The following SLC44A5 variants were observed in gnomAD, a reference collection of about 807,000 sequenced individuals.
SLC44A5 encodes the protein solute carrier family 44 member 5.
SLC44A5 carries 57 observed loss-of-function variants against 101.8 expected under a neutral mutation model. That is an observed-to-expected ratio of 0.56 (90% CI 0.45 to 0.70). The LOEUF is 0.70. Among genes scored for constraint, SLC44A5 ranks in the 30% least tolerant of loss-of-function variants. The probability of loss-of-function intolerance (pLI) is 0.00; values close to 1 mark genes in which losing one functional copy is unlikely to be tolerated. For missense variants in SLC44A5, 737 were observed against 853.1 expected, an observed-to-expected ratio of 0.86 and a Z score of 1.70; for synonymous variants, 281 against 290.9, an observed-to-expected ratio of 0.97 and a Z score of 0.35.
intron 2 of SLC44A5, chr1:75,402,260 C>A (rs928111592): frequency 5.5e-6 from 1 of 183,480 alleles, no homozygotes; most frequent in African/African-American, 2.3e-5. Flanking sequence ...CCAGTACTGC[C>A]TCTCACTCAC....
the SLC44A5 span, among the ~76,000 whole-genome samples, chr1:75,640,439 C>T: frequency 6.6e-6 from 1 of 151,870 alleles, no homozygotes; most frequent in African/African-American, 2.4e-5. Context: ...ATGGTCAAGC[C>T]CAGAGTAAAT....
intron 23 of SLC44A5, among the ~76,000 whole-genome samples, chr1:75,211,182 C>G (rs1484282342): frequency 1.3e-5 from 2 of 152,178 alleles, no homozygotes; most frequent in African/African-American, 4.8e-5. Flanking sequence ...TTACTGACCC[C>G]TCAATCTCTG....
At chr1:75,210,268 C>T (rs1646827706) in intron 23 of SLC44A5, among the ~76,000 whole-genome samples, 1 of 151,636 alleles carries the variant, frequency 6.6e-6, no homozygotes, top group Non-Finnish European at 1.5e-5. Flanking sequence ...ACTATGTTGC[C>T]CAGGCTGGTC....
At chr1:75,703,258 C>G in the SLC44A5 span, among the ~76,000 whole-genome samples, 5 of 151,792 alleles carry the variant, frequency 3.3e-5, no homozygotes, top group Admixed American at 2.6e-4. Flanking sequence ...TTGGAACCAA[C>G]CCAAATGTCC....
At chr1:75,685,580 T>C in the SLC44A5 span, among the ~76,000 whole-genome samples, 1 of 152,188 alleles carries the variant, frequency 6.6e-6, no homozygotes, top group South Asian at 2.1e-4. Flanking sequence ...TCATGGTCCA[T>C]ATCACTGTCA....
chr1:75,368,799 G>T (rs1330280357), intron 3 of SLC44A5, among the ~76,000 whole-genome samples: 2 of 152,158 alleles, frequency 1.3e-5, no homozygotes, highest in African/African-American at 4.8e-5. Flanking sequence ...AGAATGTTCT[G>T]CATGTTTACT....
At chr1:75,479,991 C>T (rs1667727737) in intron 2 of SLC44A5, among the ~76,000 whole-genome samples, 1 of 152,242 alleles carries the variant, frequency 6.6e-6, no homozygotes, top group Non-Finnish European at 1.5e-5. Flanking sequence ...AACATTGATG[C>T]AAAAATCCTC....
At chr1:75,495,670 T>C (rs1668632486) in intron 2 of SLC44A5, among the ~76,000 whole-genome samples, 2 of 149,714 alleles carry the variant, frequency 1.3e-5, no homozygotes, top group Non-Finnish European at 3.0e-5. Context: ...CAAAGACAAG[T>C]ATCGGAAATC....
chr1:75,721,754 T>C, the SLC44A5 span, among the ~76,000 whole-genome samples: 1 of 152,198 alleles, frequency 6.6e-6, no homozygotes, highest in East Asian at 1.9e-4. Flanking sequence ...AACTGCTTGG[T>C]ATCTTAAATT....
chr1:75,544,215 T>C (rs1671518584), intron 1 of SLC44A5, among the ~76,000 whole-genome samples: 1 of 152,120 alleles, frequency 6.6e-6, no homozygotes, highest in East Asian at 1.9e-4. Context: ...GTTGCTTACT[T>C]TCTCCCCCTC....
chr1:75,671,369 T>C, the SLC44A5 span, among the ~76,000 whole-genome samples: 34 of 152,104 alleles, frequency 2.2e-4, no homozygotes, highest in African/African-American at 8.0e-4. Flanking sequence ...AGCAAGGCCC[T>C]CAGATGTCAA....
intron 12 of SLC44A5, among the ~76,000 whole-genome samples, chr1:75,229,367 A>G (rs1647353823): frequency 6.6e-6 from 1 of 152,126 alleles, no homozygotes; most frequent in Non-Finnish European, 1.5e-5. Context: ...ATAATCTGTA[A>G]GGCTCTGCCC....
chr1:75,581,403 T>C (rs1214935515), intron 1 of SLC44A5, among the ~76,000 whole-genome samples: 1 of 152,212 alleles, frequency 6.6e-6, no homozygotes, highest in African/African-American at 2.4e-5. Flanking sequence ...TCAAAAGGCT[T>C]AAGCCATTAT....
chr1:75,417,057 G>A (rs1447757763), intron 2 of SLC44A5, among the ~76,000 whole-genome samples: 1 of 152,136 alleles, frequency 6.6e-6, no homozygotes, highest in Non-Finnish European at 1.5e-5. Flanking sequence ...TTTGAAATGT[G>A]AAGCTACGAG....
intron 11 of SLC44A5, among the ~76,000 whole-genome samples, chr1:75,236,151 A>G (rs552660502): frequency 1.7e-4 from 26 of 152,242 alleles, no homozygotes; most frequent in African/African-American, 6.0e-4. Context: ...AGGGATGGGC[A>G]CATTATTTGA....
chr1:75,388,593 A>G (rs1661565171), intron 3 of SLC44A5, among the ~76,000 whole-genome samples: 1 of 152,060 alleles, frequency 6.6e-6, no homozygotes, highest in Non-Finnish European at 1.5e-5. Context: ...ATCCTGGCTA[A>G]CGTGGTGAAA....
At chr1:75,463,727 A>C (rs1197900357) in intron 2 of SLC44A5, among the ~76,000 whole-genome samples, 1 of 152,206 alleles carries the variant, frequency 6.6e-6, no homozygotes, top group Non-Finnish European at 1.5e-5. Flanking sequence ...CTTCACTTAG[A>C]AAGAAAGGAA....
chr1:75,618,904 C>T, the SLC44A5 span, among the ~76,000 whole-genome samples: 1 of 151,818 alleles, frequency 6.6e-6, no homozygotes, highest in Non-Finnish European at 1.5e-5. Context: ...ACCCCATCTC[C>T]ACAAAAAATA....
chr1:75,667,659 C>G, the SLC44A5 span, among the ~76,000 whole-genome samples: 1 of 152,122 alleles, frequency 6.6e-6, no homozygotes, highest in Non-Finnish European at 1.5e-5. Context: ...TTACAGGATA[C>G]TGAGACACAG....
Sources: allele counts gnomAD v4.1 joint callset (sites outside exome capture counted in the v4.1 genomes callset), GRCh38; gene constraint gnomAD v4.1.1; transcripts MANE v1.5; gene names NCBI Gene and HGNC (gene_info 2026-07-23, HGNC 2026-07-21).